Variants in CSMD1 observed in about 807,000 individuals in gnomAD.
The protein encoded by CSMD1 is CUB and sushi domain-containing protein 1.
Under a neutral mutation model 417.5 loss-of-function variants are expected in CSMD1, and 213 were observed. The observed-to-expected ratio is 0.51, with a 90% CI of 0.46 to 0.57. CSMD1 has a LOEUF of 0.57. Among genes scored for constraint, CSMD1 ranks in the 20% least tolerant of loss-of-function variants. CSMD1 has a pLI of 0.00. For missense variants in CSMD1, 6,923 were observed against 4,529.7 expected (o/e 1.53, Z -15.17); for synonymous variants, 2,862 against 1,736.8 (o/e 1.65, Z -16.11).
intron 2 of CSMD1, among the ~76,000 whole-genome samples, chr8:4,452,695 A>G (rs1300422276): frequency 6.6e-6 from 1 of 152,184 alleles, no homozygotes; most frequent in Non-Finnish European, 1.5e-5. Flanking sequence ...CTAAATCCTG[A>G]TACTCTCAAT....
intron 3 of CSMD1, among the ~76,000 whole-genome samples, chr8:4,196,521 C>G (rs78509282): frequency 0.019 from 2,965 of 152,202 alleles, 48 homozygotes; most frequent in Non-Finnish European, 0.032. Flanking sequence ...CCCACATTCC[C>G]ATTTCCTTGC....
chr8:3,972,776 C>G (rs1401795302), intron 5 of CSMD1, among the ~76,000 whole-genome samples: 4 of 152,316 alleles, frequency 2.6e-5, no homozygotes, highest in Middle Eastern at 6.8e-3. Context: ...ATTCAATGAT[C>G]TAGCACATTT....
At chr8:4,458,233 G>C (rs976357831) in intron 2 of CSMD1, among the ~76,000 whole-genome samples, 2 of 152,004 alleles carry the variant, frequency 1.3e-5, no homozygotes, top group African/African-American at 2.4e-5. Context: ...ATAATGATCG[G>C]TCACACTTAA....
intron 5 of CSMD1, among the ~76,000 whole-genome samples, chr8:3,819,067 C>A (rs1020811707): frequency 2.0e-5 from 3 of 152,196 alleles, no homozygotes; most frequent in Non-Finnish European, 4.4e-5. Flanking sequence ...GAAAATGGCA[C>A]AGCTTCATAG....
At chr8:3,195,230 T>C (rs2129052463) in intron 33 of CSMD1, among the ~76,000 whole-genome samples, 1 of 152,240 alleles carries the variant, frequency 6.6e-6, no homozygotes, top group African/African-American at 2.4e-5. Context: ...CAGTCAATCA[T>C]GCACATCAGA....
At chr8:4,286,414 A>C (rs1223089229) in intron 3 of CSMD1, among the ~76,000 whole-genome samples, 2 of 152,210 alleles carry the variant, frequency 1.3e-5, no homozygotes, top group African/African-American at 4.8e-5. Context: ...AACATGAGAC[A>C]GAGAAAAATC....
intron 7 of CSMD1, among the ~76,000 whole-genome samples, chr8:3,653,579 G>A (rs916912292): frequency 6.6e-6 from 1 of 152,182 alleles, no homozygotes; most frequent in African/African-American, 2.4e-5. Context: ...AAAGTGCTGG[G>A]ATTTCAGGTG....
intron 3 of CSMD1, among the ~76,000 whole-genome samples, chr8:4,229,414 A>T (rs1219307267): frequency 6.6e-6 from 1 of 152,204 alleles, no homozygotes; most frequent in Non-Finnish European, 1.5e-5. Context: ...GATCATACCT[A>T]CCACAATCAC....
At chr8:4,115,486 T>G (rs1310515058) in intron 3 of CSMD1, among the ~76,000 whole-genome samples, 4 of 151,832 alleles carry the variant, frequency 2.6e-5, no homozygotes, top group Non-Finnish European at 4.4e-5. Flanking sequence ...TTAGACGTAT[T>G]TTTTTACAAC....
At chr8:2,992,657 C>G (rs1368511113) in intron 54 of CSMD1, among the ~76,000 whole-genome samples, 1 of 151,928 alleles carries the variant, frequency 6.6e-6, no homozygotes, top group African/African-American at 2.4e-5. Flanking sequence ...GAACTCCTGA[C>G]CTCGTGATCT....
intron 3 of CSMD1, among the ~76,000 whole-genome samples, chr8:4,058,710 A>G (rs13254203): frequency 0.93 from 116,246 of 124,888 alleles, 54,214 homozygotes; most frequent in East Asian, 0.99. Flanking sequence ...ATTACATAAT[A>G]GTAAAGGGAT....
chr8:4,348,483 C>G (rs1291936722), intron 3 of CSMD1, among the ~76,000 whole-genome samples: 1 of 151,802 alleles, frequency 6.6e-6, no homozygotes, highest in Admixed American at 6.6e-5. Flanking sequence ...ATATTTCTTT[C>G]CACAAAAAGG....
At chr8:4,542,824 A>G (rs2130523064) in intron 2 of CSMD1, among the ~76,000 whole-genome samples, 1 of 152,324 alleles carries the variant, frequency 6.6e-6, no homozygotes, top group South Asian at 2.1e-4. Flanking sequence ...TTATATTATT[A>G]AATATTTGTA....
At chr8:4,739,183 T>C (rs1810442671) in intron 1 of CSMD1, among the ~76,000 whole-genome samples, 1 of 152,208 alleles carries the variant, frequency 6.6e-6, no homozygotes, top group African/African-American at 2.4e-5. Flanking sequence ...TTAGATCCCG[T>C]GTATTTGTTC....
rs754883359 is a variant in CSMD1 at position 3,904,382 on chromosome 8, G to C, written c.818+93521C>G. Among the ~76,000 whole-genome samples, 8 of 152,042 alleles carry C rather than the reference G, an allele frequency of 5.3e-5. No homozygotes were observed. In the South Asian group the frequency reaches 1.5e-3, roughly 28 times the overall value. ...TTCACACTAACTCTTTATTGCAATG[G>C]AAACCTCTTTATTGCAATGGACCTA... On this transcript the variant is annotated intron_variant, in intron 5 of 69. Coordinates refer to ENST00000635120, the MANE Select transcript of CSMD1 (RefSeq NM_033225.6).
chr8:4,264,026 C>G (rs1199487309), intron 3 of CSMD1, among the ~76,000 whole-genome samples: 2 of 152,286 alleles, frequency 1.3e-5, no homozygotes, highest in South Asian at 2.1e-4. Context: ...TATTGACTAG[C>G]TCCATGAACT....
intron 5 of CSMD1, among the ~76,000 whole-genome samples, chr8:3,933,161 C>T (rs1205773823): frequency 7.4e-6 from 1 of 135,432 alleles, no homozygotes; most frequent in African/African-American, 2.8e-5. Context: ...ATCTAAAGTC[C>T]ACCTCCGTGG....
intron 54 of CSMD1, among the ~76,000 whole-genome samples, chr8:2,991,351 A>G (rs1269722506): frequency 1.3e-5 from 2 of 152,366 alleles, no homozygotes; most frequent in East Asian, 1.9e-4. Context: ...TACATCTACG[A>G]ATGAAACTGT....
At chr8:3,656,253 A>G (rs964088730) in intron 7 of CSMD1, among the ~76,000 whole-genome samples, 2 of 152,192 alleles carry the variant, frequency 1.3e-5, no homozygotes, top group Non-Finnish European at 2.9e-5. Context: ...AACAGGAAGG[A>G]AAGGAGAAAG....
Sources: gnomAD v4.1 joint callset for allele counts (sites outside exome capture counted in the v4.1 genomes callset) on GRCh38, gnomAD v4.1.1 for gene constraint, MANE v1.5 for transcripts, NCBI Gene and HGNC (gene_info 2026-07-23, HGNC 2026-07-21) for gene names.